KIF16B: variants seen among roughly 807,000 people sequenced by gnomAD.
KIF16B encodes the protein kinesin-like protein KIF16B.
A neutral mutation model predicts 156.3 loss-of-function variants in KIF16B; 98 were observed. The ratio of observed to expected loss-of-function variants is 0.63; its 90% CI spans 0.53 to 0.74. The LOEUF (loss-of-function observed/expected upper bound fraction) is 0.74, where lower values mean the gene tolerates loss of function less well. Ranked by LOEUF, KIF16B falls within the 30% of genes least tolerant of loss-of-function variation. The pLI, the probability that KIF16B is intolerant of heterozygous loss-of-function variation, is 0.00. For missense variants in KIF16B, 1,421 were observed against 1,606.5 expected (o/e 0.88, Z 1.97); for synonymous variants, 564 against 583.7 (o/e 0.97, Z 0.49).
chr20:16,329,261 T>G (rs576434913), intron 24 of KIF16B, among the ~76,000 whole-genome samples: 68 of 152,262 alleles, frequency 4.5e-4, no homozygotes, highest in African/African-American at 1.6e-3. Context: ...TGTTTCTGTT[T>G]TGCTGGACTC....
At chr20:16,502,934 G>A (rs987796500) in intron 10 of KIF16B, among the ~76,000 whole-genome samples, 1 of 152,176 alleles carries the variant, frequency 6.6e-6, no homozygotes, top group African/African-American at 2.4e-5. Context: ...AAGATGCCAG[G>A]CTGGGCGCGG....
intron 1 of KIF16B, among the ~76,000 whole-genome samples, chr20:16,528,837 G>T (rs919938546): frequency 5.3e-5 from 8 of 152,112 alleles, no homozygotes; most frequent in Admixed American, 5.2e-4. Context: ...AACTGGAGTG[G>T]TTACAAGCAG....
At position 16,397,878 on chromosome 20, in the gene KIF16B, G is replaced by T. The variant is rs529114375; in HGVS notation, c.1784+6935C>A. Reference sequence around the variant, plus strand: ...TGGGCAGACCTGTGAGAGGGCAGACGCATCCTTTGTGCTGAGAGCACATGT... The same window carrying T: ...TGGGCAGACCTGTGAGAGGGCAGACTCATCCTTTGTGCTGAGAGCACATGT... On this transcript the variant is annotated intron_variant, in intron 17 of 25. Coordinates refer to ENST00000354981, the MANE Select transcript of KIF16B (RefSeq NM_024704.5). Among the ~76,000 whole-genome samples the T allele has an allele frequency of 2.0e-5, 3 of 152,348 alleles. No homozygotes were observed. The East Asian group carries it at 5.8e-4, about 29-fold the overall frequency.
chr20:16,459,500 C>T (rs1190198643), intron 12 of KIF16B, among the ~76,000 whole-genome samples: 3 of 152,144 alleles, frequency 2.0e-5, no homozygotes, highest in African/African-American at 4.8e-5. Flanking sequence ...TGTCTCCTCT[C>T]CCTGGGTCTC....
At chr20:16,396,761 T>G (rs961250264) in intron 17 of KIF16B, among the ~76,000 whole-genome samples, 6 of 151,912 alleles carry the variant, frequency 3.9e-5, no homozygotes, top group Non-Finnish European at 8.8e-5. Context: ...GTCGGTGACT[T>G]CAGACCAACC....
intron 22 of KIF16B, chr20:16,367,337 G>A (rs775414752): frequency 3.7e-6 from 6 of 1,612,898 alleles, no homozygotes; most frequent in East Asian, 2.2e-5. Context: ...TTGAGTTTCT[G>A]TAAGAAGACT....
Position 16,378,950 on chromosome 20 carries a change from C to T in KIF16B, c.3052G>A (p.Ala1018Thr), listed in dbSNP as rs1196534746. The change falls in exon 19 of 26, where the codon GCG (alanine) becomes ACG (threonine). Residue 1018 changes from alanine (A) to threonine (T), a missense_variant. By Grantham distance (58) the Ala-to-Thr change is moderately conservative (BLOSUM62 0). Coordinates refer to ENST00000354981, the MANE Select transcript of KIF16B (RefSeq NM_024704.5). Reference sequence around the variant, plus strand: ...CCCAGGGTGGAGTGCCTCTGCAGCGCAGAATGTCTCCTCTCCAGCCTGGCC... The same window carrying T: ...CCCAGGGTGGAGTGCCTCTGCAGCGTAGAATGTCTCCTCTCCAGCCTGGCC... ...ALARLERRHS[A>T]LQRHSTLGME... is the part of the protein sequence containing the mutation. 1 of 1,614,020 alleles carries T rather than the reference C, an allele frequency of 6.2e-7. No homozygotes were observed. The highest frequency in any genetic ancestry group is 8.5e-7 in the Non-Finnish European group (1 of 1,179,988).
intron 1 of KIF16B, among the ~76,000 whole-genome samples, chr20:16,565,831 T>C (rs999597689): frequency 6.6e-6 from 1 of 152,156 alleles, no homozygotes; most frequent in African/African-American, 2.4e-5. Context: ...TTGGGAAAGG[T>C]CATTCTTCCA....
At position 16,356,462 on chromosome 20, in the gene KIF16B, G is replaced by C. The variant is rs781505075; in HGVS notation, c.3499-10C>G. On this transcript the variant is annotated splice_polypyrimidine_tract_variant and intron_variant, in intron 22 of 25. Transcript: ENST00000354981. Reference sequence around the variant, plus strand: ...AGCGAGAAACCATCCGCTATCAAAGGCATGTCAGACAGGGAGAACAAAGAG... The same window carrying C: ...AGCGAGAAACCATCCGCTATCAAAGCCATGTCAGACAGGGAGAACAAAGAG... 13 of 1,613,806 alleles carry C rather than the reference G, an allele frequency of 8.1e-6. No homozygotes were observed. The South Asian group carries it at 1.4e-4, about 18-fold the overall frequency.
chr20:16,437,066 TAC>T, intron 12 of KIF16B, among the ~76,000 whole-genome samples: 1 of 152,244 alleles, frequency 6.6e-6, no homozygotes, highest in Non-Finnish European at 1.5e-5. Context: ...ATCTTTAGAT[TAC>T]TTATCATACC....
intron 23 of KIF16B, among the ~76,000 whole-genome samples, chr20:16,339,061 A>C (rs1212882109): frequency 6.6e-6 from 1 of 152,204 alleles, no homozygotes; most frequent in Non-Finnish European, 1.5e-5. Context: ...GAGAGAAATA[A>C]TGGTGCGTTT....
At chr20:16,405,963 C>G (rs2065772761) in intron 16 of KIF16B, among the ~76,000 whole-genome samples, 1 of 152,098 alleles carries the variant, frequency 6.6e-6, no homozygotes, top group Non-Finnish European at 1.5e-5. Context: ...CTAAACCCAC[C>G]CCTGCTCTCG....
intron 1 of KIF16B, among the ~76,000 whole-genome samples, chr20:16,533,912 G>A (rs1299362853): frequency 6.6e-6 from 1 of 152,126 alleles, no homozygotes; most frequent in African/African-American, 2.4e-5. Flanking sequence ...TTCCTAACTT[G>A]CTTCCTTCTT....
intron 13 of KIF16B, 104 bp from the exon 14 acceptor site, chr20:16,429,108 A>T (rs1159204469): frequency 1.1e-6 from 1 of 936,392 alleles, no homozygotes; most frequent in Admixed American, 1.8e-5. Context: ...AATGGGATGA[A>T]CAACATCCTG....
intron 12 of KIF16B, among the ~76,000 whole-genome samples, chr20:16,489,926 G>A (rs966398765): frequency 2.0e-5 from 3 of 151,944 alleles, no homozygotes; most frequent in Non-Finnish European, 4.4e-5. Flanking sequence ...TATTCCCTCC[G>A]AGAATAAAAA....
At chr20:16,530,343 A>T (rs990582228) in intron 1 of KIF16B, among the ~76,000 whole-genome samples, 1 of 152,068 alleles carries the variant, frequency 6.6e-6, no homozygotes, top group Non-Finnish European at 1.5e-5. Context: ...CACCCAAGTG[A>T]TGGTCTGTCA....
chr20:16,463,604 C>T (rs958110428), intron 12 of KIF16B, among the ~76,000 whole-genome samples: 3 of 152,088 alleles, frequency 2.0e-5, no homozygotes, highest in Non-Finnish European at 2.9e-5. Context: ...TATAAAAATG[C>T]CTTCCCAACC....
intron 25 of KIF16B, among the ~76,000 whole-genome samples, chr20:16,294,683 G>A (rs1219066111): frequency 6.6e-6 from 1 of 151,492 alleles, no homozygotes; most frequent in Non-Finnish European, 1.5e-5. Flanking sequence ...TAACAGACCT[G>A]GTGGGGTGCA....
intron 3 of KIF16B, among the ~76,000 whole-genome samples, chr20:16,520,877 C>T (rs2069324203): frequency 6.6e-6 from 1 of 152,114 alleles, no homozygotes; most frequent in Non-Finnish European, 1.5e-5. Context: ...CTGGTGATAC[C>T]CAGGCAAACA....
Sources: gnomAD v4.1 joint callset for allele counts (sites outside exome capture counted in the v4.1 genomes callset) on GRCh38, gnomAD v4.1.1 for gene constraint, MANE v1.5 for transcripts, NCBI Gene and HGNC (gene_info 2026-07-23, HGNC 2026-07-21) for gene names.